PLA2R1: variants seen among roughly 807,000 people sequenced by gnomAD.
PLA2R1 encodes the protein secretory phospholipase A2 receptor.
A neutral mutation model predicts 195.9 loss-of-function variants in PLA2R1; 158 were observed. The observed-to-expected ratio is 0.81, with a 90% CI of 0.71 to 0.92. PLA2R1 has a LOEUF of 0.92. Among genes scored for constraint, PLA2R1 ranks in the 40% least tolerant of loss-of-function variants. The pLI, the probability that PLA2R1 is intolerant of heterozygous loss-of-function variation, is 0.00. For synonymous variants in PLA2R1, 586 were observed against 598.2 expected, an observed-to-expected ratio of 0.98 and a Z score of 0.30; for missense variants, 1,626 against 1,764.6, an observed-to-expected ratio of 0.92 and a Z score of 1.41.
chr2:160,052,036 C>T (rs1235023170), intron 1 of PLA2R1, among the ~76,000 whole-genome samples: 1 of 152,174 alleles, frequency 6.6e-6, no homozygotes. Context: ...TTGTCCTTAA[C>T]TCTTAGCCTT....
At position 160,062,390 on chromosome 2, in the gene PLA2R1, G is replaced by A. The variant is rs889027511; in HGVS notation, c.14C>T (p.Pro5Leu). Residue 5 changes from proline to leucine, a missense_variant, in exon 1 of 30, where the codon CCG (proline) becomes CTG (leucine). Physicochemically the swap from Pro to Leu is moderately conservative, Grantham distance 98. Coordinates refer to ENST00000283243, the MANE Select transcript of PLA2R1 (RefSeq NM_007366.5). MLLSPSLLLLLLLGA... is the reference protein window; with the variant it reads MLLSLSLLLLLLLGA... ...CAGCAGCAGCAGCAGCAGCAGCGAC[G>A]GCGACAGCAGCATCGCTAACCACTG... 15 of 1,540,366 alleles carry A rather than the reference G, an allele frequency of 9.7e-6. No homozygotes were observed. The highest frequency in any genetic ancestry group is 1.3e-5 in the Non-Finnish European group (15 of 1,142,794).
At chr2:160,022,896 A>G (rs772943614) in intron 6 of PLA2R1, 37 bp from the exon 7 acceptor site, 129 of 1,418,708 alleles carry the variant, frequency 9.1e-5, no homozygotes, top group Non-Finnish European at 1.2e-4. Flanking sequence ...CATTTTCCAC[A>G]ATTATTTTAA....
rs1334686755 is a variant in PLA2R1, at chr2:159,936,393, A to T, written c.*5385T>A. ...AATATGTTACAAAGATTAAGATAGTATATGTCAAACTAAAATGATAGCAAA... is the reference window on the plus strand; with the variant it reads ...AATATGTTACAAAGATTAAGATAGTTTATGTCAAACTAAAATGATAGCAAA... On this transcript the variant is annotated 3_prime_UTR_variant, in exon 30 of 30. Transcript: ENST00000283243. 6.6e-6 allele frequency: 1 copy of T among 152,256 alleles called. No homozygotes were observed. The highest frequency in any genetic ancestry group is 2.4e-5 in the African/African-American group (1 of 41,476). The allele number at this position is 152,256 out of a possible 1,614,324, so 9.4% of individuals were successfully genotyped here.
chr2:160,034,344 C>T (rs1213894360), intron 3 of PLA2R1, among the ~76,000 whole-genome samples: 1 of 151,812 alleles, frequency 6.6e-6, no homozygotes, highest in African/African-American at 2.4e-5. Flanking sequence ...TAGAAGGATC[C>T]AAGATTAAAG....
intron 17 of PLA2R1, among the ~76,000 whole-genome samples, chr2:159,974,112 A>C (rs772838499): frequency 5.9e-5 from 9 of 152,148 alleles, no homozygotes; most frequent in Admixed American, 4.6e-4. Context: ...AAGATCAAAG[A>C]AGCCCTTCAT....
intron 6 of PLA2R1, among the ~76,000 whole-genome samples, chr2:160,025,603 A>C (rs948784564): frequency 4.7e-5 from 7 of 150,044 alleles, no homozygotes; most frequent in African/African-American, 1.7e-4. Flanking sequence ...AAAAAAAAAA[A>C]AAAAAAACTA....
chr2:159,999,782 A>G (rs1352883097), intron 11 of PLA2R1, among the ~76,000 whole-genome samples: 1 of 152,170 alleles, frequency 6.6e-6, no homozygotes, highest in Non-Finnish European at 1.5e-5. Flanking sequence ...ACAGAGAGAG[A>G]CATCTCAAAG....
At chr2:160,023,732 C>T (rs900118420) in intron 6 of PLA2R1, among the ~76,000 whole-genome samples, 2 of 152,206 alleles carry the variant, frequency 1.3e-5, no homozygotes, top group Non-Finnish European at 2.9e-5. Flanking sequence ...GATCAGGACC[C>T]CTTTCTGGTA....
chr2:159,983,928 C>A lies in PLA2R1; in HGVS notation c.2183G>T (p.Trp728Leu). The change falls in exon 13 of 30, where the codon TGG becomes TTG. Residue 728 changes from tryptophan (W) to leucine (L), a missense_variant and splice_region_variant. Physicochemically the swap from Trp to Leu is moderately conservative, Grantham distance 61 (BLOSUM62 -2). Transcript: ENST00000283243. The stretch of plus-strand genomic sequence containing the variant: ...TTTTTCATAATTAACAAGTATTTAC[C>A]AATTAAATTTTGAATGTAAGAGCTC... The part of the protein sequence containing the change: ...VNELLHSKFN[W>L]TEERQFWIGF... 6.5e-7 allele frequency: 1 copy of A among 1,528,766 alleles called. No individual in the cohort carries two copies. The highest frequency in any genetic ancestry group is 9.0e-7 in the Non-Finnish European group (1 of 1,109,914). 94.7% of individuals were successfully genotyped at this position (1,528,766 alleles called of 1,614,324 possible). A position where few individuals can be genotyped will look rare whatever the true frequency, so the allele number is the denominator to read the frequency against.
At chr2:160,028,819 G>T in intron 5 of PLA2R1, 31 bp downstream of exon 5, 1 of 1,287,904 alleles carries the variant, frequency 7.8e-7, no homozygotes, top group Non-Finnish European at 1.1e-6. Flanking sequence ...ATGATGCCAC[G>T]TGACGAAGGC....
chr2:160,016,812 C>T (rs1692805093), intron 8 of PLA2R1, 100 bp from the exon 9 acceptor site: 1 of 654,070 alleles, frequency 1.5e-6, no homozygotes, highest in Non-Finnish European at 2.8e-6. Flanking sequence ...AATGTGCTCC[C>T]GCGTGGGATA....
rs1687109557 is a variant in PLA2R1 at position 159,942,003 on chromosome 2, A to G, written c.4178-11T>C. 6.2e-7 allele frequency: 1 copy of G among 1,607,212 alleles called. No homozygotes were observed. Among genetic ancestry groups the G allele is most frequent in the Non-Finnish European group, 8.5e-7 (1 of 1,175,976 alleles). On this transcript the variant is annotated splice_polypyrimidine_tract_variant and intron_variant, in intron 29 of 29. Coordinates refer to ENST00000283243, the MANE Select transcript of PLA2R1 (RefSeq NM_007366.5). ...TGCTGTGACTTGGTCCTGAAAGAAG[A>G]TATTTTTCTTAAAAAAAGAAAAACT...
intron 17 of PLA2R1, among the ~76,000 whole-genome samples, chr2:159,972,195 G>A (rs1034136090): frequency 6.6e-6 from 1 of 152,046 alleles, no homozygotes; most frequent in East Asian, 1.9e-4. Flanking sequence ...CCTCCACATG[G>A]CACATCACAA....
At position 160,044,804 on chromosome 2, in the gene PLA2R1, C is replaced by A; in HGVS notation, c.463G>T (p.Gly155Cys). 6.2e-7 allele frequency: 1 copy of A among 1,612,432 alleles called. No individual in the cohort carries two copies. The highest frequency in any genetic ancestry group is 2.2e-5 in the East Asian group (1 of 44,818). The change falls in exon 2 of 30, where the codon GGT (glycine) becomes TGT (cysteine). Residue 155 changes from glycine (G) to cysteine (C), a missense_variant. Physicochemically the swap from Gly to Cys is radical, Grantham distance 159. Coordinates refer to ENST00000283243, the MANE Select transcript of PLA2R1 (RefSeq NM_007366.5). ...TGTAGATATTCACAAATGTCTCCACCACCTGACCCATAAGAAATCCACTTA... is the reference window on the plus strand; with the variant it reads ...TGTAGATATTCACAAATGTCTCCACAACCTGACCCATAAGAAATCCACTTA... ...IHKWISYGSG[G>C]GDICEYLHKD...
At chr2:159,989,331 G>GCAAAA (rs1262497051) in intron 11 of PLA2R1, among the ~76,000 whole-genome samples, 1 of 152,202 alleles carries the variant, frequency 6.6e-6, no homozygotes, top group African/African-American at 2.4e-5. Flanking sequence ...CATGCTCTGT[G>GCAAAA]CAATAAAACT....
chr2:159,987,458 T>C lies in PLA2R1; in HGVS notation c.1835-100A>G, dbSNP rs1013255120. ...TGTTGAATAATTGACATCTCATAAT[T>C]AAGCACCCAGACAAGAGCAATCAAG... On this transcript the variant is annotated intron_variant, in intron 11 of 29. Coordinates refer to ENST00000283243, the MANE Select transcript of PLA2R1 (RefSeq NM_007366.5). The C allele has an allele frequency of 3.8e-6, 3 of 787,236 alleles. No homozygotes were observed. The African/African-American group carries it at 5.2e-5, about 14-fold the overall frequency. The allele number at this position is 787,236 out of a possible 1,614,324, so 48.8% of individuals were successfully genotyped here.
chr2:160,040,294 C>CA (rs1452847471), intron 3 of PLA2R1, among the ~76,000 whole-genome samples: 1 of 151,730 alleles, frequency 6.6e-6, no homozygotes, highest in Non-Finnish European at 1.5e-5. Context: ...GGCTTCCCTG[C>CA]ACCCCACCCC....
intron 6 of PLA2R1, among the ~76,000 whole-genome samples, chr2:160,027,733 T>C (rs1318701568): frequency 1.3e-5 from 2 of 152,190 alleles, no homozygotes; most frequent in South Asian, 4.1e-4. Flanking sequence ...TAGACTGTGA[T>C]TAGATATTAT....
chr2:159,943,326 G>A (rs575192752), intron 28 of PLA2R1, among the ~76,000 whole-genome samples: 3 of 152,174 alleles, frequency 2.0e-5, no homozygotes, highest in East Asian at 1.9e-4. Flanking sequence ...TTAAACTGTC[G>A]AAAATATGTA....
Sources: gnomAD v4.1 joint callset for allele counts (sites outside exome capture counted in the v4.1 genomes callset) on GRCh38, gnomAD v4.1.1 for gene constraint, MANE v1.5 for transcripts, NCBI Gene and HGNC (gene_info 2026-07-23, HGNC 2026-07-21) for gene names.